POR: variants seen among roughly 807,000 people sequenced by gnomAD.
POR encodes the protein NADPH--cytochrome P450 reductase.
A neutral mutation model predicts 84.0 loss-of-function variants in POR; 56 were observed. That is an observed-to-expected ratio of 0.67 (90% CI 0.54 to 0.83). The LOEUF is 0.83. Ranked by LOEUF, POR falls within the 40% of genes least tolerant of loss-of-function variation. POR has a pLI of 0.00. For missense variants in POR, 938 were observed against 944.3 expected, an observed-to-expected ratio of 0.99 and a Z score of 0.09; for synonymous variants, 414 against 400.5, an observed-to-expected ratio of 1.03 and a Z score of -0.40.
chr7:75,948,444 C>T (rs1787273294), intron 1 of POR, among the ~76,000 whole-genome samples: 1 of 152,262 alleles, frequency 6.6e-6, no homozygotes, highest in African/African-American at 2.4e-5. Flanking sequence ...TCGTTTCCTT[C>T]GTTTTGCGTG....
intron 2 of POR, among the ~76,000 whole-genome samples, chr7:75,965,243 C>T (rs559633231): frequency 7.9e-5 from 12 of 152,258 alleles, no homozygotes; most frequent in East Asian, 1.9e-4. Context: ...GATGGAGAGC[C>T]GAGTGCAAAT....
chr7:75,959,904 A>C (rs1486582898), intron 2 of POR, among the ~76,000 whole-genome samples: 3 of 152,028 alleles, frequency 2.0e-5, no homozygotes, highest in African/African-American at 7.3e-5. Flanking sequence ...GGTCTTTTGG[A>C]CTGTTTGTAA....
intron 1 of POR, among the ~76,000 whole-genome samples, chr7:75,917,245 GT>G (rs1273409774): frequency 2.6e-5 from 4 of 151,762 alleles, no homozygotes; most frequent in African/African-American, 7.3e-5. Context: ...TTTTTTAAAT[GT>G]TTTTTAGAGA....
chr7:75,917,380 C>CTTTTTTTTT (rs199962786), intron 1 of POR, among the ~76,000 whole-genome samples: 20 of 125,960 alleles, frequency 1.6e-4, no homozygotes, highest in African/African-American at 6.0e-4. Context: ...CTTATTTCTT[C>CTTTTTTTTT]TTCTTTTTTT....
chr7:75,945,475 A>G (rs1242734006), intron 1 of POR: 4 of 152,224 alleles, frequency 2.6e-5, no homozygotes, highest in African/African-American at 7.2e-5. Flanking sequence ...CTGTGGAGCG[A>G]TCTGTCTGAG....
intron 1 of POR, among the ~76,000 whole-genome samples, chr7:75,930,824 T>G (rs1554550064): frequency 7.2e-6 from 1 of 138,694 alleles, no homozygotes; most frequent in Non-Finnish European, 1.6e-5. Flanking sequence ...GCCCGGCCCT[T>G]ATGTATTTAT....
chr7:75,918,899 C>T lies in POR; in HGVS notation c.-5+3720C>T, dbSNP rs560718687. Among the ~76,000 whole-genome samples, 5 of 150,742 alleles carry T rather than the reference C, an allele frequency of 3.3e-5. No individual in the cohort carries two copies. In the South Asian group the frequency reaches 1.1e-3, roughly 32 times the overall value. ...GGTGTAGATTGCATGAGGCTGAGGT[C>T]GCGTGGTGGCACTTGTCTGAAATGG... On this transcript the variant is annotated intron_variant, in intron 1 of 15. Coordinates refer to ENST00000461988, the MANE Select transcript of POR (RefSeq NM_000941.3).
intron 3 of POR, among the ~76,000 whole-genome samples, chr7:75,979,108 T>C (rs1401043315): frequency 6.6e-6 from 1 of 152,260 alleles, no homozygotes; most frequent in Non-Finnish European, 1.5e-5. Flanking sequence ...CATCCTTGGA[T>C]GTAAGTATCT....
In POR at chr7:75,950,160, G is replaced by A. The variant is rs531586680; in HGVS notation, c.-4-3829G>A. ...GCTGGGATTACAGGCATGGGCCACC[G>A]TGCCCGGACGATCTGACTTACTTTT... is the stretch of plus-strand genomic sequence containing the variant. On this transcript the variant is annotated intron_variant, in intron 1 of 15. Coordinates refer to ENST00000461988, the MANE Select transcript of POR (RefSeq NM_000941.3). Among the ~76,000 whole-genome samples, 20 of 152,218 alleles carry A rather than the reference G, an allele frequency of 1.3e-4. No individual in the cohort carries two copies. In the East Asian group the frequency reaches 1.9e-3, roughly 15 times the overall value.
Position 75,985,221 on chromosome 7 carries a change from C to A in POR, c.1398+14C>A. On this transcript the variant is annotated intron_variant, in intron 12 of 15. Transcript: ENST00000461988. ...TCATCCTCCAAGGTGAGGGCCGGCA[C>A]TGCCCTGCCAGCCACACGCTGGAGG... 1 of 1,577,060 alleles carries A rather than the reference C, an allele frequency of 6.3e-7. No individual in the cohort carries two copies.
At chr7:75,947,897 C>G (rs891271295) in intron 1 of POR, among the ~76,000 whole-genome samples, 4 of 151,888 alleles carry the variant, frequency 2.6e-5, no homozygotes, top group Admixed American at 6.6e-5. Context: ...TGTCTGTGTG[C>G]GCGTCAAGGG....
In POR at chr7:75,931,688, G is replaced by A. The variant is rs142550205; in HGVS notation, c.-5+16509G>A. ...CTGGCCTGTTTTTCCTTTTAAAGCC[G>A]TGACTCTATTTTCCCTTCTGGCCTT... On this transcript the variant is annotated intron_variant, in intron 1 of 15. Transcript: ENST00000461988. Among the ~76,000 whole-genome samples the A allele has an allele frequency of 2.9e-3, 440 of 151,998 alleles. 3 individuals are homozygous for A. Among genetic ancestry groups the A allele is most frequent in the African/African-American group, 9.7e-3 (402 of 41,472 alleles).
At chr7:75,945,650 A>G (rs1787141720) in intron 1 of POR, among the ~76,000 whole-genome samples, 1 of 151,840 alleles carries the variant, frequency 6.6e-6, no homozygotes, top group Non-Finnish European at 1.5e-5. Context: ...GGGCTTGTGA[A>G]CCTGAATGAC....
intron 1 of POR, among the ~76,000 whole-genome samples, chr7:75,949,126 G>T (rs1787305848): frequency 6.6e-6 from 1 of 151,880 alleles, no homozygotes; most frequent in Non-Finnish European, 1.5e-5. Flanking sequence ...GCTGTGTAAG[G>T]ACTTCAGGGC....
intron 1 of POR, among the ~76,000 whole-genome samples, chr7:75,939,963 G>A (rs1362417159): frequency 6.6e-6 from 1 of 152,202 alleles, no homozygotes; most frequent in Non-Finnish European, 1.5e-5. Context: ...AGGCTGGAGT[G>A]CAGGGATACT....
At chr7:75,964,655 A>G (rs890339306) in intron 2 of POR, among the ~76,000 whole-genome samples, 10 of 152,170 alleles carry the variant, frequency 6.6e-5, no homozygotes, top group Non-Finnish European at 1.5e-4. Flanking sequence ...CTTTAAAATG[A>G]CATAATTGAC....
chr7:75,940,268 G>C (rs1172826528), intron 1 of POR, among the ~76,000 whole-genome samples: 3 of 150,808 alleles, frequency 2.0e-5, no homozygotes, highest in African/African-American at 7.3e-5. Context: ...TGTATTTTTA[G>C]TAGAGATGGG....
intron 1 of POR, among the ~76,000 whole-genome samples, chr7:75,927,366 G>C (rs546100205): frequency 6.6e-6 from 1 of 151,994 alleles, no homozygotes; most frequent in Non-Finnish European, 1.5e-5. Flanking sequence ...GGGGCTTGGT[G>C]GTGGGTGCCT....
chr7:75,954,706 ATT>A (rs3043449), intron 2 of POR, among the ~76,000 whole-genome samples: 49 of 130,434 alleles, frequency 3.8e-4, no homozygotes, highest in Admixed American at 3.9e-4. Context: ...TGCCCAGCTA[ATT>A]TTTTTTTTTT....
Sources: gnomAD v4.1 joint callset for allele counts (sites outside exome capture counted in the v4.1 genomes callset) on GRCh38, gnomAD v4.1.1 for gene constraint, MANE v1.5 for transcripts, NCBI Gene and HGNC (gene_info 2026-07-23, HGNC 2026-07-21) for gene names.